CPA6: variants seen among roughly 807,000 people sequenced by gnomAD.
CPA6 encodes the protein carboxypeptidase A6.
A neutral mutation model predicts 63.3 loss-of-function variants in CPA6; 58 were observed. The ratio of observed to expected loss-of-function variants is 0.92; its 90% CI spans 0.74 to 1.14. The LOEUF (loss-of-function observed/expected upper bound fraction) is 1.14, where lower values mean the gene tolerates loss of function less well. Among genes scored for constraint, CPA6 ranks in the 50% most tolerant of loss-of-function variants. The pLI is 0.00. For missense variants in CPA6, 565 were observed against 526.6 expected (o/e 1.07, Z -0.71); for synonymous variants, 185 against 179.0 (o/e 1.03, Z -0.27).
chr8:67,621,803 T>C (rs924971204), intron 2 of CPA6, among the ~76,000 whole-genome samples: 6 of 152,204 alleles, frequency 3.9e-5, no homozygotes, highest in Non-Finnish European at 8.8e-5. Flanking sequence ...AGTTGTCCCC[T>C]AAGCTCCTTT....
intron 2 of CPA6, among the ~76,000 whole-genome samples, chr8:67,553,185 G>T (rs889930954): frequency 2.0e-5 from 3 of 152,172 alleles, no homozygotes; most frequent in Non-Finnish European, 4.4e-5. Flanking sequence ...GGCTGACAGT[G>T]ACTTAAGCCA....
chr8:67,648,011 G>A (rs1381978494), intron 1 of CPA6, among the ~76,000 whole-genome samples: 1 of 152,182 alleles, frequency 6.6e-6, no homozygotes, highest in Non-Finnish European at 1.5e-5. Context: ...TAATGAATTT[G>A]TATGCTTTTT....
chr8:67,557,510 C>T (rs1451134072), intron 2 of CPA6, among the ~76,000 whole-genome samples: 1 of 152,168 alleles, frequency 6.6e-6, no homozygotes, highest in African/African-American at 2.4e-5. Flanking sequence ...ATTCAATCTG[C>T]AGTTTTTCTT....
chr8:67,477,955 C>T (rs756070476), intron 8 of CPA6, among the ~76,000 whole-genome samples: 1 of 152,184 alleles, frequency 6.6e-6, no homozygotes, highest in African/African-American at 2.4e-5. Flanking sequence ...AATCTTTAGA[C>T]TCTCTGGAGT....
chr8:67,576,894 G>T (rs1342417198), intron 2 of CPA6, among the ~76,000 whole-genome samples: 13 of 143,240 alleles, frequency 9.1e-5, no homozygotes, highest in African/African-American at 2.1e-4. Flanking sequence ...AGACAGTCTT[G>T]CTCTGTTACC....
intron 3 of CPA6, among the ~76,000 whole-genome samples, chr8:67,513,985 G>A (rs1812093692): frequency 6.6e-6 from 1 of 150,986 alleles, no homozygotes; most frequent in Admixed American, 6.6e-5. Context: ...TTTTTGAGGA[G>A]TCTTGCTCTG....
At chr8:67,484,826 T>A (rs1811442415) in intron 6 of CPA6, 37 bp from the exon 7 acceptor site, 2 of 1,204,534 alleles carry the variant, frequency 1.7e-6, no homozygotes, top group Non-Finnish European at 2.4e-6. Flanking sequence ...TTTAAATTGG[T>A]CCCCAAAAGA....
At chr8:67,667,791 T>C (rs911047470) in intron 1 of CPA6, among the ~76,000 whole-genome samples, 2 of 152,258 alleles carry the variant, frequency 1.3e-5, no homozygotes, top group East Asian at 3.8e-4. Context: ...AGGAGATTAC[T>C]GTGTGCCCCG....
intron 6 of CPA6, among the ~76,000 whole-genome samples, chr8:67,491,520 A>G (rs1057401262): frequency 2.0e-5 from 3 of 152,166 alleles, no homozygotes; most frequent in African/African-American, 4.8e-5. Context: ...AAACATAAAT[A>G]TTTGAAATGT....
intron 2 of CPA6, among the ~76,000 whole-genome samples, chr8:67,588,332 A>G (rs1814004274): frequency 6.6e-6 from 1 of 152,244 alleles, no homozygotes. Context: ...GGTGGGAAAT[A>G]AAATGATTAA....
chr8:67,471,636 G>A (rs757380808), intron 8 of CPA6, among the ~76,000 whole-genome samples: 32 of 152,174 alleles, frequency 2.1e-4, no homozygotes, highest in Non-Finnish European at 4.0e-4. Flanking sequence ...CTGCCCATCT[G>A]TCTCTTGTCA....
chr8:67,719,022 TA>T (rs1817440268), intron 1 of CPA6, among the ~76,000 whole-genome samples: 1 of 152,142 alleles, frequency 6.6e-6, no homozygotes, highest in African/African-American at 2.4e-5. Flanking sequence ...TGGCTGCCAA[TA>T]TTTTTTTTTC....
chr8:67,494,614 T>C (rs1214529431), intron 6 of CPA6, among the ~76,000 whole-genome samples: 1 of 152,104 alleles, frequency 6.6e-6, no homozygotes, highest in Admixed American at 6.6e-5. Flanking sequence ...TGCTATTCCA[T>C]CTGCATTGGC....
chr8:67,435,513 G>A (rs575218349), intron 8 of CPA6, among the ~76,000 whole-genome samples: 3 of 152,244 alleles, frequency 2.0e-5, no homozygotes, highest in South Asian at 4.2e-4. Context: ...CGGCAGGTGC[G>A]GGGAGGCTCC....
rs189905989 is a variant in CPA6 at position 67,649,726 on chromosome 8, T to C, written c.117-25475A>G. On this transcript the variant is annotated intron_variant, in intron 1 of 10. Coordinates refer to ENST00000297770, the MANE Select transcript of CPA6 (RefSeq NM_020361.5). ...AGCCATGGTTGGCATGAGAACTGTA[T>C]AGCTATGACCGCCTGTGACTTGTTC... 4.8e-3 allele frequency among the ~76,000 whole-genome samples: 727 copies of C among 152,306 alleles called. 2 individuals are homozygous for C. Among genetic ancestry groups the C allele is most frequent in the Non-Finnish European group, 6.4e-3 (435 of 68,024 alleles).
intron 2 of CPA6, among the ~76,000 whole-genome samples, chr8:67,584,025 G>T (rs1813851311): frequency 6.6e-6 from 1 of 152,272 alleles, no homozygotes; most frequent in East Asian, 1.9e-4. Context: ...GGGCATGGTG[G>T]CATGTGCCTG....
chr8:67,608,271 C>A (rs1424337701), intron 2 of CPA6, among the ~76,000 whole-genome samples: 1 of 152,142 alleles, frequency 6.6e-6, no homozygotes, highest in Non-Finnish European at 1.5e-5. Context: ...GCCTTTTGGC[C>A]CACCATGTCC....
intron 2 of CPA6, among the ~76,000 whole-genome samples, chr8:67,595,065 A>G (rs1365323336): frequency 6.6e-6 from 1 of 151,998 alleles, no homozygotes; most frequent in Non-Finnish European, 1.5e-5. Flanking sequence ...TTTGGTGTGG[A>G]TGTCCTTTCT....
chr8:67,432,366 T>C (rs1414622478), intron 9 of CPA6, among the ~76,000 whole-genome samples: 4 of 151,908 alleles, frequency 2.6e-5, no homozygotes, highest in Non-Finnish European at 5.9e-5. Context: ...TGCTGGGAGG[T>C]TGATGCACCC....
Sources: allele counts gnomAD v4.1 joint callset (sites outside exome capture counted in the v4.1 genomes callset), GRCh38; gene constraint gnomAD v4.1.1; transcripts MANE v1.5; gene names NCBI Gene and HGNC (gene_info 2026-07-23, HGNC 2026-07-21).